RFX3: variants seen among roughly 807,000 people sequenced by gnomAD.
RFX3 encodes the protein transcription factor RFX3.
RFX3 carries 14 observed loss-of-function variants against 98.6 expected under a neutral mutation model. The ratio of observed to expected loss-of-function variants is 0.14; its 90% CI spans 0.09 to 0.22. The LOEUF (loss-of-function observed/expected upper bound fraction) is 0.22. RFX3 is among the 10% of genes least tolerant of loss of function. The pLI, the probability that RFX3 is intolerant of heterozygous loss-of-function variation, is 1.00. For synonymous variants in RFX3, 383 were observed against 328.4 expected (o/e 1.17, Z -1.80); for missense variants, 639 against 926.9 (o/e 0.69, Z 4.03).
At chr9:3,504,170 T>G (rs867306109) in intron 1 of RFX3, among the ~76,000 whole-genome samples, 3,401 of 100,000 alleles carry the variant, frequency 0.034, 191 homozygotes, top group African/African-American at 0.18. Context: ...ATTATATATA[T>G]TATATATTAT....
At chr9:3,343,863 T>G (rs796826295) in intron 3 of RFX3, among the ~76,000 whole-genome samples, 13 of 152,342 alleles carry the variant, frequency 8.5e-5, no homozygotes, top group African/African-American at 2.4e-4. Context: ...TTGTGACAAA[T>G]GACCTCATGA....
At chr9:3,435,384 T>G (rs1349471482) in intron 1 of RFX3, among the ~76,000 whole-genome samples, 2 of 107,214 alleles carry the variant, frequency 1.9e-5, no homozygotes, top group African/African-American at 1.1e-4. Flanking sequence ...TTTGTATATT[T>G]AGTTTTTTCC....
chr9:3,234,533 C>T (rs970135978), intron 15 of RFX3, among the ~76,000 whole-genome samples: 2 of 152,088 alleles, frequency 1.3e-5, no homozygotes, highest in African/African-American at 2.4e-5. Context: ...CCCAGCTAGT[C>T]GGGAGGCTAA....
chr9:3,297,315 A>G (rs1172824081), intron 5 of RFX3, among the ~76,000 whole-genome samples: 1 of 152,102 alleles, frequency 6.6e-6, no homozygotes, highest in Admixed American at 6.6e-5. Context: ...AAGCCCATAA[A>G]ATAACATAGG....
chr9:3,495,070 T>C (rs10121096), intron 1 of RFX3, among the ~76,000 whole-genome samples: 17,516 of 151,884 alleles, frequency 0.12, 1,849 homozygotes, highest in East Asian at 0.57. Context: ...GTCCACACTA[T>C]TTCATATGTG....
chr9:3,424,898 A>G (rs770357788), intron 1 of RFX3, among the ~76,000 whole-genome samples: 2 of 152,134 alleles, frequency 1.3e-5, no homozygotes, highest in East Asian at 3.9e-4. Context: ...ATGAGAGTTT[A>G]GGGCTTGTTT....
intron 1 of RFX3, among the ~76,000 whole-genome samples, chr9:3,496,430 C>T (rs537986964): frequency 1.4e-3 from 219 of 151,980 alleles, no homozygotes; most frequent in African/African-American, 5.2e-3. Flanking sequence ...CATAACATTC[C>T]TCTTTGAAAA....
At chr9:3,294,045 C>CA (rs571067197) in intron 5 of RFX3, among the ~76,000 whole-genome samples, 17 of 151,930 alleles carry the variant, frequency 1.1e-4, no homozygotes, top group East Asian at 3.8e-4. Context: ...GTGTACATTA[C>CA]AAAAAAATCT....
intron 1 of RFX3, among the ~76,000 whole-genome samples, chr9:3,496,456 T>C (rs1325541286): frequency 1.3e-5 from 2 of 152,020 alleles, no homozygotes; most frequent in Non-Finnish European, 2.9e-5. Flanking sequence ...TTGTTTCTGA[T>C]TGTCTACTGC....
chr9:3,251,008 C>G (rs147015484), intron 14 of RFX3, among the ~76,000 whole-genome samples: 2 of 151,990 alleles, frequency 1.3e-5, no homozygotes, highest in Admixed American at 6.6e-5. Context: ...TACGTACAAT[C>G]GTATATGAAG....
chr9:3,490,409 C>A, intron 1 of RFX3: 1 of 386,046 alleles, frequency 2.6e-6, no homozygotes, highest in Non-Finnish European at 3.5e-6. Flanking sequence ...TATGTAGAAG[C>A]CATGTGACTA....
At chr9:3,501,559 T>C (rs867012272) in intron 1 of RFX3, among the ~76,000 whole-genome samples, 1 of 147,322 alleles carries the variant, frequency 6.8e-6, no homozygotes, top group Admixed American at 6.7e-5. Flanking sequence ...TCCTTCTTTT[T>C]TTTTTTTTTT....
In RFX3 at chr9:3,304,705, A is replaced by C. The variant is rs183122393; in HGVS notation, c.475-3085T>G. Among the ~76,000 whole-genome samples the C allele has an allele frequency of 8.9e-4, 135 of 152,168 alleles. 1 individual carries two copies. The highest frequency in any genetic ancestry group is 2.7e-3 in the Admixed American group (41 of 15,256). ...ATTCTCTCTTGCCTGCTGCCATGTA[A>C]GATGAGTCTTTTGCCTTCTGCCATG... On this transcript the variant is annotated intron_variant, in intron 4 of 16. Transcript: ENST00000617270.
chr9:3,502,794 T>C (rs929227671), intron 1 of RFX3, among the ~76,000 whole-genome samples: 1 of 152,142 alleles, frequency 6.6e-6, no homozygotes, highest in African/African-American at 2.4e-5. Context: ...CCCTGAGTCA[T>C]CTATGTCGGT....
chr9:3,370,049 G>A (rs373506537), intron 2 of RFX3, among the ~76,000 whole-genome samples: 41 of 143,496 alleles, frequency 2.9e-4, no homozygotes, highest in African/African-American at 1.1e-3. Context: ...CCCCGTGTTA[G>A]CCAGGATGGT....
chr9:3,485,551 C>T (rs1251951044), intron 1 of RFX3, among the ~76,000 whole-genome samples: 1 of 152,126 alleles, frequency 6.6e-6, no homozygotes, highest in East Asian at 1.9e-4. Flanking sequence ...TTTTGCTTCC[C>T]TCTGTATTTG....
chr9:3,310,144 GA>G lies in RFX3; in HGVS notation c.475-8525del, dbSNP rs1441727797. 2.4e-4 allele frequency among the ~76,000 whole-genome samples: 37 copies of G among 152,274 alleles called. 1 individual carries two copies. Among genetic ancestry groups the G allele is most frequent in the Non-Finnish European group, 4.9e-4 (33 of 68,032 alleles). ...GCACAGGGATCATTTAGGGGCAGTT[GA>G]TAATGCCAAGAAGGTAAACCTCAGT... is the stretch of plus-strand genomic sequence containing the variant. On this transcript the variant is annotated intron_variant, in intron 4 of 16. Coordinates refer to ENST00000617270, the MANE Select transcript of RFX3 (RefSeq NM_001282116.2).
intron 2 of RFX3, among the ~76,000 whole-genome samples, chr9:3,349,445 A>G (rs548217084): frequency 3.3e-5 from 5 of 152,106 alleles, no homozygotes; most frequent in African/African-American, 1.2e-4. Flanking sequence ...GATTTGCTGT[A>G]TTTAATTTTG....
chr9:3,439,505 G>A (rs1452995303), intron 1 of RFX3, among the ~76,000 whole-genome samples: 1 of 151,938 alleles, frequency 6.6e-6, no homozygotes, highest in Non-Finnish European at 1.5e-5. Context: ...GATAATATGG[G>A]AATATTTTAA....
Sources: gnomAD v4.1 joint callset for allele counts (sites outside exome capture counted in the v4.1 genomes callset) on GRCh38, gnomAD v4.1.1 for gene constraint, MANE v1.5 for transcripts, NCBI Gene and HGNC (gene_info 2026-07-23, HGNC 2026-07-21) for gene names.